Variants in NAV2 observed in about 807,000 individuals in gnomAD.
NAV2 encodes the protein helicase, APC down-regulated 1.
In NAV2, 54 loss-of-function variants were observed where a neutral mutation model predicts 223.2. The observed-to-expected ratio is 0.24, with a 90% CI of 0.19 to 0.30. The LOEUF is 0.30. NAV2 is among the 10% of genes least tolerant of loss of function. The probability of loss-of-function intolerance (pLI) is 1.00; values close to 1 mark genes in which losing one functional copy is unlikely to be tolerated. For missense variants in NAV2, 2,806 were observed against 3,147.5 expected, an observed-to-expected ratio of 0.89 and a Z score of 2.60; for synonymous variants, 1,279 against 1,239.3, an observed-to-expected ratio of 1.03 and a Z score of -0.67.
intron 1 of NAV2, among the ~76,000 whole-genome samples, chr11:19,714,896 CA>C (rs2050175247): frequency 6.6e-6 from 1 of 152,158 alleles, no homozygotes; most frequent in Non-Finnish European, 1.5e-5. Context: ...TCTTGGCAGT[CA>C]GTCAGCAGGG....
At chr11:19,386,162 A>G (rs974385173) in intron 1 of NAV2, among the ~76,000 whole-genome samples, 3 of 152,226 alleles carry the variant, frequency 2.0e-5, no homozygotes, top group African/African-American at 7.2e-5. Flanking sequence ...TACTTGCCCC[A>G]AAGCATGAAT....
At chr11:19,416,141 G>A (rs927597656) in intron 1 of NAV2, among the ~76,000 whole-genome samples, 1 of 152,114 alleles carries the variant, frequency 6.6e-6, no homozygotes, top group African/African-American at 2.4e-5. Flanking sequence ...AATAGAAAGA[G>A]AGGAAACCAA....
At chr11:19,963,294 G>A (rs1359417893) in intron 10 of NAV2, among the ~76,000 whole-genome samples, 1 of 152,252 alleles carries the variant, frequency 6.6e-6, no homozygotes, top group Non-Finnish European at 1.5e-5. Flanking sequence ...CCAAAGCTCT[G>A]AGAGGTGAAG....
At chr11:19,520,159 C>T (rs2043598499) in intron 1 of NAV2, among the ~76,000 whole-genome samples, 1 of 152,138 alleles carries the variant, frequency 6.6e-6, no homozygotes. Flanking sequence ...CTCAGGCAGC[C>T]ACTGACCACA....
In NAV2 at chr11:20,036,040, C is replaced by G. The variant is rs1375412765; in HGVS notation, c.2850C>G (p.Ser950=). The G allele has an allele frequency of 6.2e-7, 1 of 1,614,228 alleles. No homozygotes were observed. Among genetic ancestry groups the G allele is most frequent in the Admixed American group, 1.7e-5 (1 of 60,022 alleles). The change falls in exon 12 of 38, where the codon TCC becomes TCG. Residue 950 remains serine, a synonymous_variant. Transcript: ENST00000349880. ...NLSTDDINTS[S]SISSYANTPA... ...GCACTGATGACATCAACACCAGCTC[C>G]TCCATCAGCTCTTATGCCAACACAC...
intron 1 of NAV2, among the ~76,000 whole-genome samples, chr11:19,490,552 T>C (rs2042591582): frequency 6.6e-6 from 1 of 152,236 alleles, no homozygotes; most frequent in Non-Finnish European, 1.5e-5. Flanking sequence ...TTTAAGTTTA[T>C]TGTGAGATTG....
intron 1 of NAV2, among the ~76,000 whole-genome samples, chr11:19,383,832 G>A (rs1848936320): frequency 6.6e-6 from 1 of 152,220 alleles, no homozygotes; most frequent in Admixed American, 6.5e-5. Context: ...TAGACAATAT[G>A]CGTCAAAACC....
chr11:19,733,741 T>C (rs73429703), intron 1 of NAV2, among the ~76,000 whole-genome samples: 3,313 of 152,066 alleles, frequency 0.022, 117 homozygotes, highest in African/African-American at 0.075. Flanking sequence ...CTGAAAATAG[T>C]GTATAAGAGA....
chr11:19,663,380 C>T (rs1336536740), intron 1 of NAV2, among the ~76,000 whole-genome samples: 5 of 152,050 alleles, frequency 3.3e-5, no homozygotes, highest in African/African-American at 1.2e-4. Context: ...TTAGACACTA[C>T]CATTATGTCA....
Position 20,100,985 on chromosome 11 carries a change from C to T in NAV2, c.6230C>T (p.Pro2077Leu). The change falls in exon 32 of 38, where the codon CCC becomes CTC. Residue 2077 changes from proline (P) to leucine (L), a missense_variant. Pro to Leu is a moderately conservative substitution (Grantham distance 98, BLOSUM62 -3). Coordinates refer to ENST00000349880, the MANE Select transcript of NAV2 (RefSeq NM_145117.5). ...TCACTGGTGTTTGAGTCCTTGATTCCCAAGCCCATCCTGCAGCGCTACGTC... is the reference window on the plus strand; with the variant it reads ...TCACTGGTGTTTGAGTCCTTGATTCTCAAGCCCATCCTGCAGCGCTACGTC... ...LDSLVFESLI[P>L]KPILQRYVSL... The T allele has an allele frequency of 1.2e-6, 2 of 1,614,102 alleles. No individual in the cohort carries two copies. Among genetic ancestry groups the T allele is most frequent in the Non-Finnish European group, 1.7e-6 (2 of 1,180,030 alleles).
chr11:19,679,611 C>T (rs143578996), intron 1 of NAV2, among the ~76,000 whole-genome samples: 143 of 152,244 alleles, frequency 9.4e-4, no homozygotes, highest in African/African-American at 3.2e-3. Context: ...TGACTCATTC[C>T]TACTCTTCAA....
At chr11:19,627,265 G>T (rs2047198137) in intron 1 of NAV2, among the ~76,000 whole-genome samples, 1 of 152,144 alleles carries the variant, frequency 6.6e-6, no homozygotes, top group South Asian at 2.1e-4. Context: ...TTGTGTGCCT[G>T]TAATCCCAGG....
At chr11:19,709,271 G>A (rs577682122), upstream of NAV2, among the ~76,000 whole-genome samples, 40 of 152,198 alleles carry the variant, frequency 2.6e-4, no homozygotes, top group South Asian at 2.7e-3. Context: ...GGCCAGGCAC[G>A]GTGGCTCACG....
At chr11:19,877,761 C>T (rs142895530) in intron 4 of NAV2, among the ~76,000 whole-genome samples, 135 of 152,164 alleles carry the variant, frequency 8.9e-4, no homozygotes, top group African/African-American at 2.5e-3. Context: ...CGTGAGCCAC[C>T]GTGCCTGGCC....
intron 1 of NAV2, among the ~76,000 whole-genome samples, chr11:19,821,119 A>G (rs552714897): frequency 5.3e-5 from 8 of 152,010 alleles, no homozygotes; most frequent in Non-Finnish European, 1.0e-4. Context: ...AAAATTACCC[A>G]GGCGTGGTGG....
chr11:20,115,316 G>A (rs1042660552), intron 37 of NAV2, among the ~76,000 whole-genome samples: 3 of 151,982 alleles, frequency 2.0e-5, no homozygotes, highest in East Asian at 1.9e-4. Context: ...TTATTTATTC[G>A]GCTGTTGCTA....
At chr11:19,762,629 T>TTTTG (rs1182258876) in intron 1 of NAV2, among the ~76,000 whole-genome samples, 1 of 149,276 alleles carries the variant, frequency 6.7e-6, no homozygotes, top group African/African-American at 2.5e-5. Context: ...TTTTTTTTTT[T>TTTTG]TTTGAGATGA....
intron 11 of NAV2, among the ~76,000 whole-genome samples, chr11:20,028,207 G>A (rs2055301995): frequency 6.6e-6 from 1 of 152,136 alleles, no homozygotes; most frequent in Non-Finnish European, 1.5e-5. Context: ...TTTTTTCATA[G>A]CAAATCGCTT....
At chr11:19,676,630 G>T (rs1467914008) in intron 1 of NAV2, among the ~76,000 whole-genome samples, 1 of 152,222 alleles carries the variant, frequency 6.6e-6, no homozygotes, top group Non-Finnish European at 1.5e-5. Context: ...CCCCAGGGAA[G>T]ATGTGGACGT....
Sources: gnomAD v4.1 joint callset for allele counts (sites outside exome capture counted in the v4.1 genomes callset) on GRCh38, gnomAD v4.1.1 for gene constraint, MANE v1.5 for transcripts, NCBI Gene and HGNC (gene_info 2026-07-23, HGNC 2026-07-21) for gene names.